PDE11A: variants seen among roughly 807,000 people sequenced by gnomAD.
PDE11A encodes the protein dual 3',5'-cyclic-AMP and -GMP phosphodiesterase 11A.
A neutral mutation model predicts 100.5 loss-of-function variants in PDE11A; 100 were observed. That is an observed-to-expected ratio of 1.00 (90% confidence interval 0.85 to 1.18). The LOEUF (loss-of-function observed/expected upper bound fraction) is 1.18. PDE11A is among the 50% of genes most tolerant of loss of function. The pLI, the probability that PDE11A is intolerant of heterozygous loss-of-function variation, is 0.00. For missense variants in PDE11A, 1,141 were observed against 1,152.6 expected (o/e 0.99, Z 0.15); for synonymous variants, 381 against 420.8 (o/e 0.91, Z 1.16).
intron 5 of PDE11A, among the ~76,000 whole-genome samples, chr2:177,847,945 T>C (rs1462026890): frequency 6.6e-6 from 1 of 152,154 alleles, no homozygotes; most frequent in Non-Finnish European, 1.5e-5. Flanking sequence ...CAAAGACCCT[T>C]ATCAATCTCC....
chr2:177,859,714 A>C (rs543407255), intron 5 of PDE11A, among the ~76,000 whole-genome samples: 1 of 151,972 alleles, frequency 6.6e-6, no homozygotes, highest in African/African-American at 2.4e-5. Flanking sequence ...CCCATACTTT[A>C]GGTCAAAAAA....
chr2:177,942,293 A>G (rs2085353510), intron 2 of PDE11A, among the ~76,000 whole-genome samples: 1 of 152,252 alleles, frequency 6.6e-6, no homozygotes, highest in African/African-American at 2.4e-5. Context: ...TGAAAATGAA[A>G]TGAGATTAAC....
chr2:177,690,946 A>G (rs2081032395), intron 15 of PDE11A, among the ~76,000 whole-genome samples: 1 of 152,252 alleles, frequency 6.6e-6, no homozygotes, highest in South Asian at 2.1e-4. Flanking sequence ...GGCTAACAAT[A>G]TCTACCTTGC....
intron 2 of PDE11A, among the ~76,000 whole-genome samples, chr2:178,094,288 G>A (rs142923534): frequency 6.6e-6 from 1 of 152,208 alleles, no homozygotes; most frequent in African/African-American, 2.4e-5. Context: ...CAGCACTTAG[G>A]GAGCCTGAGG....
intron 10 of PDE11A, among the ~76,000 whole-genome samples, chr2:177,755,043 G>A (rs2082072702): frequency 6.6e-6 from 1 of 152,196 alleles, no homozygotes; most frequent in African/African-American, 2.4e-5. Flanking sequence ...CCAGTTGCAG[G>A]GGGCTTTTCT....
chr2:177,843,622 T>C (rs1326009122), intron 5 of PDE11A, among the ~76,000 whole-genome samples: 1 of 152,150 alleles, frequency 6.6e-6, no homozygotes, highest in African/African-American at 2.4e-5. Flanking sequence ...GCATACTGAA[T>C]TGAAATCATT....
At chr2:177,821,615 A>C (rs2083141885) in intron 6 of PDE11A, among the ~76,000 whole-genome samples, 1 of 151,878 alleles carries the variant, frequency 6.6e-6, no homozygotes, top group Non-Finnish European at 1.5e-5. Context: ...GATTTATATC[A>C]TCACCAACAT....
At chr2:177,907,386 A>G (rs34767203) in intron 2 of PDE11A, among the ~76,000 whole-genome samples, 9,510 of 152,292 alleles carry the variant, frequency 0.062, 311 homozygotes, top group South Asian at 0.092. Flanking sequence ...TTATTCAAGA[A>G]AAAATAATTT....
At chr2:178,036,811 C>A (rs1305245460) in intron 1 of PDE11A, among the ~76,000 whole-genome samples, 1 of 152,134 alleles carries the variant, frequency 6.6e-6, no homozygotes. Context: ...GGAAAACTGG[C>A]TAGCCATATG....
intron 1 of PDE11A, among the ~76,000 whole-genome samples, chr2:178,039,694 T>C (rs2086660126): frequency 6.6e-6 from 1 of 151,528 alleles, no homozygotes; most frequent in South Asian, 2.1e-4. Flanking sequence ...TAAAATAAAA[T>C]AACTAGAAAT....
intron 2 of PDE11A, among the ~76,000 whole-genome samples, chr2:178,095,000 C>A (rs1003546685): frequency 6.6e-6 from 1 of 152,146 alleles, no homozygotes; most frequent in African/African-American, 2.4e-5. Flanking sequence ...GATTGCAATT[C>A]GAGATGAGAT....
chr2:178,006,119 TTG>T (rs2086207549), intron 2 of PDE11A, among the ~76,000 whole-genome samples: 1 of 152,230 alleles, frequency 6.6e-6, no homozygotes, highest in Admixed American at 6.5e-5. Context: ...TGTTCAATTA[TTG>T]TGTTACTGAT....
At chr2:177,654,842 C>T (rs2080358256) in intron 19 of PDE11A, among the ~76,000 whole-genome samples, 1 of 152,176 alleles carries the variant, frequency 6.6e-6, no homozygotes, top group South Asian at 2.1e-4. Context: ...CTCCTTTCCT[C>T]CCACCCTTCC....
chr2:177,632,100 A>G (rs771020081), intron 19 of PDE11A, among the ~76,000 whole-genome samples: 5 of 152,228 alleles, frequency 3.3e-5, no homozygotes, highest in Non-Finnish European at 5.9e-5. Flanking sequence ...GGGATAGGAC[A>G]CTAGCCTGCC....
At chr2:177,856,948 G>C (rs577426127) in intron 5 of PDE11A, among the ~76,000 whole-genome samples, 1 of 152,028 alleles carries the variant, frequency 6.6e-6, no homozygotes, top group South Asian at 2.1e-4. Context: ...CACATTAAAG[G>C]AGCTCAATAA....
At chr2:178,058,144 C>T (rs1015264079) in intron 1 of PDE11A, among the ~76,000 whole-genome samples, 2 of 152,162 alleles carry the variant, frequency 1.3e-5, no homozygotes, top group Non-Finnish European at 2.9e-5. Context: ...GCGTGAGCCA[C>T]TGCGCCTGGC....
At chr2:177,745,167 G>T (rs556526198) in intron 10 of PDE11A, among the ~76,000 whole-genome samples, 6 of 152,144 alleles carry the variant, frequency 3.9e-5, no homozygotes, top group Admixed American at 2.0e-4. Context: ...CCAAGCTATA[G>T]AAGACCATGT....
intron 10 of PDE11A, among the ~76,000 whole-genome samples, chr2:177,750,960 C>T (rs959684360): frequency 1.3e-5 from 2 of 152,118 alleles, no homozygotes; most frequent in Non-Finnish European, 2.9e-5. Flanking sequence ...CACTGCCCAA[C>T]ATTTTTTAAA....
intron 19 of PDE11A, among the ~76,000 whole-genome samples, chr2:177,635,760 T>A (rs2080029276): frequency 6.6e-6 from 1 of 152,096 alleles, no homozygotes; most frequent in Admixed American, 6.6e-5. Context: ...TATTTGCCCC[T>A]TTTTACAAAT....
Sources: allele counts gnomAD v4.1 joint callset (sites outside exome capture counted in the v4.1 genomes callset), GRCh38; gene constraint gnomAD v4.1.1; transcripts MANE v1.5; gene names NCBI Gene and HGNC (gene_info 2026-07-23, HGNC 2026-07-21).